The following SLC4A5 variants were observed in gnomAD, a reference collection of about 807,000 sequenced individuals.
SLC4A5 encodes the protein solute carrier family 4 member 5.
Under a neutral mutation model 120.4 loss-of-function variants are expected in SLC4A5, and 96 were observed. The observed-to-expected ratio is 0.80, with a 90% confidence interval of 0.68 to 0.94. SLC4A5 has a LOEUF of 0.94. Among genes scored for constraint, SLC4A5 ranks in the 40% least tolerant of loss-of-function variants. The pLI is 0.00. For missense variants in SLC4A5, 1,259 were observed against 1,459.5 expected (o/e 0.86, Z 2.24); for synonymous variants, 550 against 571.1 (o/e 0.96, Z 0.53).
chr2:74,292,448 T>C (rs964420478), intron 7 of SLC4A5, among the ~76,000 whole-genome samples: 1 of 152,194 alleles, frequency 6.6e-6, no homozygotes, highest in Non-Finnish European at 1.5e-5. Flanking sequence ...GTTTCTCTAA[T>C]GCCCTGCGGA....
chr2:74,257,113 AT>A (rs1670991755), intron 12 of SLC4A5, among the ~76,000 whole-genome samples: 1 of 152,016 alleles, frequency 6.6e-6, no homozygotes, highest in African/African-American at 2.4e-5. Context: ...AGGTCCTGCC[AT>A]TTTGTCCCCA....
intron 2 of SLC4A5, among the ~76,000 whole-genome samples, chr2:74,340,037 G>C (rs561708582): frequency 2.0e-5 from 3 of 152,366 alleles, no homozygotes; most frequent in Admixed American, 6.5e-5. Flanking sequence ...GCCTGGGGCA[G>C]TGAGAAATGG....
intron 5 of SLC4A5, among the ~76,000 whole-genome samples, chr2:74,318,294 C>A (rs941894835): frequency 6.6e-6 from 1 of 152,134 alleles, no homozygotes; most frequent in Non-Finnish European, 1.5e-5. Context: ...AAATGGCCAA[C>A]AAACATGTAA....
chr2:74,240,021 T>A (rs868868561), intron 20 of SLC4A5, among the ~76,000 whole-genome samples: 1 of 148,056 alleles, frequency 6.8e-6, no homozygotes, highest in African/African-American at 2.5e-5. Context: ...ATAAATTTAT[T>A]TATATATACA....
intron 7 of SLC4A5, among the ~76,000 whole-genome samples, chr2:74,300,364 G>A (rs1415768825): frequency 6.6e-6 from 1 of 152,218 alleles, no homozygotes; most frequent in South Asian, 2.1e-4. Flanking sequence ...AGGTAACTAT[G>A]AGTGGTGATG....
At chr2:74,263,230 C>T (rs1407297465) in intron 10 of SLC4A5, among the ~76,000 whole-genome samples, 1 of 152,042 alleles carries the variant, frequency 6.6e-6, no homozygotes, top group Non-Finnish European at 1.5e-5. Context: ...GGGGTTTATG[C>T]CATGGGGTTT....
intron 27 of SLC4A5, among the ~76,000 whole-genome samples, chr2:74,226,355 G>T (rs1694840884): frequency 1.3e-5 from 2 of 152,210 alleles, no homozygotes; most frequent in South Asian, 4.1e-4. Flanking sequence ...GAGTTATCTA[G>T]GGGGCCAGAT....
intron 8 of SLC4A5, among the ~76,000 whole-genome samples, chr2:74,284,157 T>C (rs1290031841): frequency 3.3e-5 from 4 of 120,046 alleles, no homozygotes; most frequent in Non-Finnish European, 6.2e-5. Flanking sequence ...CCTTATTCCT[T>C]ATTTCTTTTT....
At position 74,319,191 on chromosome 2, in the gene SLC4A5, C is replaced by CA. The variant is rs1673035742; in HGVS notation, c.-2-4167dup. The stretch of plus-strand genomic sequence containing the variant: ...CACATGGACATGTAGAGTGAAATAA[C>CA]AGACACTGGAGACTCCAAAAGGTAG... On this transcript the variant is annotated intron_variant, in intron 5 of 30. Transcript: ENST00000394019. 5.3e-5 allele frequency among the ~76,000 whole-genome samples: 8 copies of CA among 152,030 alleles called. No individual in the cohort carries two copies. The South Asian group carries it at 1.7e-3, about 32-fold the overall frequency.
chr2:74,285,430 T>A (rs1012886163), intron 8 of SLC4A5, among the ~76,000 whole-genome samples: 3 of 152,184 alleles, frequency 2.0e-5, no homozygotes, highest in Middle Eastern at 3.2e-3. Context: ...CAGGGCCAAC[T>A]GGGAGACTTG....
At chr2:74,232,614 C>A (rs922566313) in exon 24 of SLC4A5, 7 of 1,613,774 alleles carry the variant, frequency 4.3e-6, no homozygotes, top group Non-Finnish European at 5.9e-6. Flanking sequence ...AGGATGCCCA[C>A]CCAGAACAGG....
chr2:74,235,210 C>T (rs193000440), exon 22 of SLC4A5: 9 of 1,613,256 alleles, frequency 5.6e-6, no homozygotes, highest in South Asian at 3.3e-5. Context: ...CACCAGGGCC[C>T]GGACCTGCAG....
intron 7 of SLC4A5, among the ~76,000 whole-genome samples, chr2:74,293,636 G>A (rs528235475): frequency 5.3e-5 from 8 of 152,354 alleles, no homozygotes; most frequent in African/African-American, 1.9e-4. Context: ...AGGGGGCTGA[G>A]AAGGCACTGC....
At chr2:74,244,520 T>C (rs1670549483) in intron 19 of SLC4A5, among the ~76,000 whole-genome samples, 2 of 151,754 alleles carry the variant, frequency 1.3e-5, no homozygotes, top group Non-Finnish European at 2.9e-5. Context: ...TTCCCCTTTC[T>C]TTCTCTTTCT....
At chr2:74,337,683 G>T (rs1673526321) in intron 3 of SLC4A5, among the ~76,000 whole-genome samples, 1 of 152,154 alleles carries the variant, frequency 6.6e-6, no homozygotes, top group Admixed American at 6.5e-5. Context: ...CATTCGCAGG[G>T]CTCAGCACAT....
At chr2:74,288,785 C>G (rs1407136412) in intron 7 of SLC4A5, among the ~76,000 whole-genome samples, 1 of 152,174 alleles carries the variant, frequency 6.6e-6, no homozygotes, top group African/African-American at 2.4e-5. Context: ...AGCTCGGCAG[C>G]CTTCTCAAGT....
chr2:74,250,230 C>T, intron 17 of SLC4A5, 113 bp downstream of exon 17: 1 of 1,034,682 alleles, frequency 9.7e-7, no homozygotes, highest in Non-Finnish European at 1.4e-6. Context: ...GTGATGGCCT[C>T]AACCTGGATG....
chr2:74,240,965 T>C (rs1670421735), intron 20 of SLC4A5, among the ~76,000 whole-genome samples: 1 of 152,020 alleles, frequency 6.6e-6, no homozygotes, highest in African/African-American at 2.4e-5. Flanking sequence ...ATTAAGCCAC[T>C]TAGGCTGGGA....
At chr2:74,298,770 A>G (rs554746517) in intron 7 of SLC4A5, among the ~76,000 whole-genome samples, 1 of 152,338 alleles carries the variant, frequency 6.6e-6, no homozygotes, top group East Asian at 1.9e-4. Flanking sequence ...AGGAAGCCAG[A>G]TACAGTGGCA....
Sources: allele counts gnomAD v4.1 joint callset (sites outside exome capture counted in the v4.1 genomes callset), GRCh38; gene constraint gnomAD v4.1.1; transcripts MANE v1.5; gene names NCBI Gene and HGNC (gene_info 2026-07-23, HGNC 2026-07-21).